Variants in UHRF1 observed in about 807,000 individuals in gnomAD.
UHRF1 encodes ubiquitin like with PHD and ring finger domains 1.
A neutral mutation model predicts 96.5 loss-of-function variants in UHRF1; 9 were observed. The ratio of observed to expected loss-of-function variants is 0.09; its 90% CI spans 0.06 to 0.16. The LOEUF is 0.16. UHRF1 is among the 10% of genes least tolerant of loss of function. The pLI is 1.00. For missense variants in UHRF1, 626 were observed against 1,131.1 expected, an observed-to-expected ratio of 0.55 and a Z score of 6.40; for synonymous variants, 455 against 469.9, an observed-to-expected ratio of 0.97 and a Z score of 0.41.
chr19:4,953,798 C>T (rs970178147), intron 13 of UHRF1, among the ~76,000 whole-genome samples: 2 of 152,136 alleles, frequency 1.3e-5, no homozygotes, highest in African/African-American at 2.4e-5. Flanking sequence ...GTAATCCCAG[C>T]ATTTTGGATG....
intron 2 of UHRF1, among the ~76,000 whole-genome samples, chr19:4,917,072 G>C (rs940403568): frequency 5.3e-5 from 6 of 114,146 alleles, no homozygotes; most frequent in South Asian, 2.3e-4. Context: ...CAGCTCGGTG[G>C]GGGGGGGGGG....
intron 5 of UHRF1, among the ~76,000 whole-genome samples, chr19:4,940,453 A>C (rs1319327612): frequency 7.7e-6 from 1 of 129,412 alleles, no homozygotes; most frequent in Non-Finnish European, 1.5e-5. Flanking sequence ...CACAACCTCC[A>C]TTTCCCAGGT....
chr19:4,956,433 C>T (rs905800820), intron 15 of UHRF1, among the ~76,000 whole-genome samples: 1 of 152,240 alleles, frequency 6.6e-6, no homozygotes, highest in African/African-American at 2.4e-5. Context: ...CTGGTCATAT[C>T]TGGGTCCTGC....
At chr19:4,918,540 G>A (rs571214435) in intron 2 of UHRF1, among the ~76,000 whole-genome samples, 12 of 151,162 alleles carry the variant, frequency 7.9e-5, no homozygotes, top group South Asian at 4.2e-4. Flanking sequence ...TCAGCCTCCC[G>A]AGTAGCTGGG....
chr19:4,904,046 G>A (rs1391870241), intron 1 of UHRF1, among the ~76,000 whole-genome samples: 2 of 151,806 alleles, frequency 1.3e-5, no homozygotes, highest in African/African-American at 4.8e-5. Context: ...GCGTGATCTC[G>A]GCTCACTGCA....
chr19:4,924,590 T>G (rs992301446), intron 2 of UHRF1, among the ~76,000 whole-genome samples: 1 of 152,160 alleles, frequency 6.6e-6, no homozygotes, highest in African/African-American at 2.4e-5. Flanking sequence ...GCCCCTTTTT[T>G]AGAAAAAATT....
chr19:4,917,448 G>C (rs1421592926), intron 2 of UHRF1, among the ~76,000 whole-genome samples: 1 of 151,790 alleles, frequency 6.6e-6, no homozygotes, highest in African/African-American at 2.4e-5. Context: ...GAGGTCAAGA[G>C]ATCGAGACCA....
intron 5 of UHRF1, among the ~76,000 whole-genome samples, chr19:4,933,909 C>T (rs541618808): frequency 6.6e-6 from 1 of 151,286 alleles, no homozygotes; most frequent in South Asian, 2.1e-4. Context: ...TCCTATTTGG[C>T]CATTTGCAGA....
In UHRF1 at chr19:4,953,134, C is replaced by A. The variant is rs17881343; in HGVS notation, c.1819-1216C>A. Among the ~76,000 whole-genome samples the A allele has an allele frequency of 3.5e-3, 528 of 152,254 alleles. 2 individuals are homozygous for A. The highest frequency in any genetic ancestry group is 5.4e-3 in the Non-Finnish European group (368 of 68,020). ...CCCGACCCTGCCAGGTGGAGCTTGGCCGATTATCTCCTCTTAGTCTCCTCT... is the reference window on the plus strand; with the variant it reads ...CCCGACCCTGCCAGGTGGAGCTTGGACGATTATCTCCTCTTAGTCTCCTCT... On this transcript the variant is annotated intron_variant, in intron 13 of 16. Transcript: ENST00000650932.
At chr19:4,939,633 G>T (rs527520822) in intron 5 of UHRF1, among the ~76,000 whole-genome samples, 28 of 152,244 alleles carry the variant, frequency 1.8e-4, no homozygotes, top group African/African-American at 6.3e-4. Context: ...CCTGTGAGCT[G>T]GTAGGTCAGT....
chr19:4,931,635 A>G (rs1268123903), intron 4 of UHRF1, among the ~76,000 whole-genome samples: 1 of 147,154 alleles, frequency 6.8e-6, no homozygotes. Flanking sequence ...CGCCTGGCTA[A>G]TTTTTGTATT....
rs1227542742 is a variant in UHRF1, at chr19:4,954,950, TGCAACCATC to T, written c.2130+129_2130+137del. ...CGCACTGAGTACATTCTTGTGGTTG[TGCAACCATC>T]ACCACCATCACCACCTCCAGAACTT... On this transcript the variant is annotated intron_variant, in intron 15 of 16. Coordinates refer to ENST00000650932, the MANE Select transcript of UHRF1 (RefSeq NM_001048201.3). This position sits in a 1 kb window ranked among gnomAD's most constrained non-coding sequence, Gnocchi z 5.9. The T allele has an allele frequency of 8.2e-7, 1 of 1,214,090 alleles. No homozygotes were observed. Among genetic ancestry groups the T allele is most frequent in the Non-Finnish European group, 1.2e-6 (1 of 861,682 alleles). The allele number at this position is 1,214,090 out of a possible 1,614,324, so 75.2% of individuals were successfully genotyped here. A position where few individuals can be genotyped will look rare whatever the true frequency, so the allele number is the denominator to read the frequency against.
chr19:4,940,053 G>A (rs528066870), intron 5 of UHRF1, among the ~76,000 whole-genome samples: 1 of 150,790 alleles, frequency 6.6e-6, no homozygotes, highest in East Asian at 2.0e-4. Context: ...TGGGCTTTCA[G>A]AGACCTGGTA....
At chr19:4,953,427 T>C (rs1268469864) in intron 13 of UHRF1, among the ~76,000 whole-genome samples, 1 of 152,158 alleles carries the variant, frequency 6.6e-6, no homozygotes, top group Non-Finnish European at 1.5e-5. Flanking sequence ...TCTTTAGCAT[T>C]TCCAAATTGT....
Position 4,929,450 on chromosome 19 carries a change from G to A in UHRF1, c.382G>A (p.Asp128Asn). The change falls in exon 3 of 17, where the codon GAT becomes AAT. Residue 128 changes from aspartate to asparagine, a missense_variant. Asp to Asn is a conservative substitution (Grantham distance 23). Transcript: ENST00000650932. ...DSRPADEDMWDETELGLYKVN... is the reference protein window; with the variant it reads ...DSRPADEDMWNETELGLYKVN... ...CAGGCCAGCCGATGAGGACATGTGG[G>A]ATGAGACGGAATTGGGGCTGTACAA... 2 of 1,613,832 alleles carry A rather than the reference G, an allele frequency of 1.2e-6. No individual in the cohort carries two copies. Among genetic ancestry groups the A allele is most frequent in the Non-Finnish European group, 1.7e-6 (2 of 1,179,834 alleles).
chr19:4,946,232 T>C (rs2145189149), intron 10 of UHRF1, among the ~76,000 whole-genome samples: 1 of 152,230 alleles, frequency 6.6e-6, no homozygotes, highest in East Asian at 1.9e-4. Flanking sequence ...CCTGCCTCTG[T>C]GACTCTGACG....
intron 5 of UHRF1, among the ~76,000 whole-genome samples, chr19:4,939,318 C>T (rs2033314799): frequency 6.6e-6 from 1 of 151,348 alleles, no homozygotes; most frequent in Non-Finnish European, 1.5e-5. Context: ...CCTCAGCCTC[C>T]CAAAAGGTGC....
At chr19:4,915,916 G>T (rs1212615943) in intron 2 of UHRF1, among the ~76,000 whole-genome samples, 1 of 152,136 alleles carries the variant, frequency 6.6e-6, no homozygotes, top group Non-Finnish European at 1.5e-5. Context: ...CCAGGTCAGG[G>T]GTTCTCAAAC....
intron 2 of UHRF1, among the ~76,000 whole-genome samples, chr19:4,917,381 C>G (rs1161601098): frequency 2.0e-5 from 3 of 151,606 alleles, no homozygotes; most frequent in African/African-American, 7.3e-5. Flanking sequence ...CAAGGCCGGG[C>G]GTGGTGGCTT....
Sources: gnomAD v4.1 joint callset for allele counts (sites outside exome capture counted in the v4.1 genomes callset) on GRCh38, gnomAD v4.1.1 for gene constraint, Gnocchi (gnomAD v3.1) non-coding constraint, MANE v1.5 for transcripts, NCBI Gene and HGNC (gene_info 2026-07-23, HGNC 2026-07-21) for gene names.